Variants in ARHGAP10 observed in about 807,000 individuals in gnomAD.
ARHGAP10 encodes Rho GTPase activating protein 10.
In ARHGAP10, 87 loss-of-function variants were observed where a neutral mutation model predicts 108.6. The ratio of observed to expected loss-of-function variants is 0.80; its 90% CI spans 0.67 to 0.96. ARHGAP10 has a LOEUF of 0.96. Ranked by LOEUF, ARHGAP10 falls within the 40% of genes least tolerant of loss-of-function variation. The pLI, the probability that ARHGAP10 is intolerant of heterozygous loss-of-function variation, is 0.00. For synonymous variants in ARHGAP10, 347 were observed against 341.1 expected (o/e 1.02, Z -0.19); for missense variants, 939 against 954.5 (o/e 0.98, Z 0.21).
intron 7 of ARHGAP10, among the ~76,000 whole-genome samples, 186 bp from the exon 8 acceptor site, chr4:147,874,835 A>AT (rs201461109): frequency 1.1e-4 from 17 of 151,478 alleles, no homozygotes; most frequent in Admixed American, 3.3e-4. Context: ...TTTTACTGCT[A>AT]TTTTTTTTTC....
intron 18 of ARHGAP10, among the ~76,000 whole-genome samples, chr4:148,007,808 T>G (rs1168507210): frequency 2.6e-5 from 4 of 152,236 alleles, no homozygotes; most frequent in Non-Finnish European, 1.5e-5. Context: ...GATATGGTTT[T>G]GGAACTTAAA....
chr4:147,977,968 A>G (rs1458278726), intron 18 of ARHGAP10, among the ~76,000 whole-genome samples: 2 of 152,196 alleles, frequency 1.3e-5, no homozygotes, highest in African/African-American at 2.4e-5. Flanking sequence ...AGCTGCATCC[A>G]TGTTGCTGCA....
At chr4:147,752,207 A>G (rs1409231167) in intron 1 of ARHGAP10, among the ~76,000 whole-genome samples, 2 of 152,166 alleles carry the variant, frequency 1.3e-5, no homozygotes, top group African/African-American at 4.8e-5. Flanking sequence ...ATAGAAGAGC[A>G]TGCATTATTG....
At chr4:147,852,285 C>T (rs1379562439) in intron 4 of ARHGAP10, among the ~76,000 whole-genome samples, 1 of 152,162 alleles carries the variant, frequency 6.6e-6, no homozygotes, top group East Asian at 1.9e-4. Flanking sequence ...ACTGAGGAAC[C>T]GAGGTGGCAC....
chr4:147,834,902 T>G (rs1243375011), intron 3 of ARHGAP10, among the ~76,000 whole-genome samples: 1 of 151,950 alleles, frequency 6.6e-6, no homozygotes, highest in Non-Finnish European at 1.5e-5. Flanking sequence ...CCTAATAAAT[T>G]TCTTGTGTGT....
In ARHGAP10 at chr4:147,795,003, T is replaced by C. The variant is rs77606865; in HGVS notation, c.155-27724T>C. Among the ~76,000 whole-genome samples the C allele has an allele frequency of 3.3e-3, 506 of 152,344 alleles. 5 individuals carry two copies. The highest frequency in any genetic ancestry group is 0.012 in the African/African-American group (485 of 41,580). On this transcript the variant is annotated intron_variant, in intron 1 of 22. Coordinates refer to ENST00000336498, the MANE Select transcript of ARHGAP10 (RefSeq NM_024605.4). Reference sequence around the variant, plus strand: ...TTGCAGTTGACTATAGTCAGTTCCATATAGTGTGGCAGCTAGTGAAATATT... The same window carrying C: ...TTGCAGTTGACTATAGTCAGTTCCACATAGTGTGGCAGCTAGTGAAATATT...
chr4:148,025,124 G>A (rs996215792), intron 19 of ARHGAP10, among the ~76,000 whole-genome samples: 1 of 152,220 alleles, frequency 6.6e-6, no homozygotes, highest in African/African-American at 2.4e-5. Context: ...AGAAGTTTCT[G>A]TAGTGGTATT....
At chr4:148,031,101 G>T (rs897188802) in intron 19 of ARHGAP10, among the ~76,000 whole-genome samples, 1 of 152,076 alleles carries the variant, frequency 6.6e-6, no homozygotes, top group African/African-American at 2.4e-5. Flanking sequence ...CTGGCATTTT[G>T]GATCTACTAA....
At chr4:147,794,707 T>C (rs538960615) in intron 1 of ARHGAP10, among the ~76,000 whole-genome samples, 1 of 152,362 alleles carries the variant, frequency 6.6e-6, no homozygotes, top group East Asian at 1.9e-4. Flanking sequence ...TGCCATTGAG[T>C]ATTCCATTAT....
intron 4 of ARHGAP10, among the ~76,000 whole-genome samples, chr4:147,857,020 C>G (rs78282648): frequency 0.025 from 3,808 of 152,104 alleles, 150 homozygotes; most frequent in African/African-American, 0.083. Flanking sequence ...ACCCTGCTAA[C>G]TTTTGTATTT....
At chr4:147,896,657 T>A (rs1579172334) in intron 10 of ARHGAP10, among the ~76,000 whole-genome samples, 1 of 152,132 alleles carries the variant, frequency 6.6e-6, no homozygotes, top group Non-Finnish European at 1.5e-5. Context: ...TGAATTTATT[T>A]TTTTTCAACT....
chr4:147,939,066 A>G (rs1250976889), intron 13 of ARHGAP10, among the ~76,000 whole-genome samples: 11 of 152,130 alleles, frequency 7.2e-5, no homozygotes, highest in Admixed American at 6.5e-4. Flanking sequence ...ACAAATGGAG[A>G]TTTTCTTACC....
In ARHGAP10 at chr4:147,955,385, T is replaced by C. The variant is rs372802441; in HGVS notation, c.1450+11T>C. 28 of 1,606,806 alleles carry C rather than the reference T, an allele frequency of 1.7e-5. No individual in the cohort carries two copies. Among genetic ancestry groups the C allele is most frequent in the Middle Eastern group, 1.7e-4 (1 of 6,060 alleles). ...TCATTGTTCCAGCCAGTAAGTATTA[T>C]GTAAAGGTATATAGGAACAGTTTTG... On this transcript the variant is annotated intron_variant, in intron 16 of 22. Transcript: ENST00000336498.
At chr4:147,818,585 AG>A (rs1450588392) in intron 1 of ARHGAP10, among the ~76,000 whole-genome samples, 1 of 141,830 alleles carries the variant, frequency 7.1e-6, no homozygotes, top group African/African-American at 2.5e-5. Context: ...AAAAAAAAAA[AG>A]TTAGTTTGTT....
chr4:148,042,576 C>A (rs1728679069), intron 19 of ARHGAP10, among the ~76,000 whole-genome samples: 1 of 152,166 alleles, frequency 6.6e-6, no homozygotes, highest in Non-Finnish European at 1.5e-5. Context: ...TTGCTGCACT[C>A]CCACCTGTCT....
chr4:147,753,611 C>T lies in ARHGAP10; in HGVS notation c.154+21156C>T, dbSNP rs149418681. ...TCAGGTGATCTGCCTGCCTCAGCCT[C>T]CCAGAGTGCTGGGATTACAGGCGTG... On this transcript the variant is annotated intron_variant, in intron 1 of 22. Transcript: ENST00000336498. Among the ~76,000 whole-genome samples, 994 of 152,030 alleles carry T rather than the reference C, an allele frequency of 6.5e-3. 15 individuals are homozygous for T. The highest frequency in any genetic ancestry group is 0.023 in the African/African-American group (953 of 41,426).
intron 1 of ARHGAP10, among the ~76,000 whole-genome samples, chr4:147,767,932 A>AT (rs1729901131): frequency 6.6e-6 from 1 of 152,218 alleles, no homozygotes; most frequent in Non-Finnish European, 1.5e-5. Flanking sequence ...AAGATATGAG[A>AT]TTATCAAATT....
At chr4:147,947,354 G>T (rs1011139514) in intron 15 of ARHGAP10, among the ~76,000 whole-genome samples, 1 of 151,446 alleles carries the variant, frequency 6.6e-6, no homozygotes. Context: ...TATATGCTGT[G>T]GTTCTGTTGG....
At chr4:148,048,573 C>G (rs1728987250) in intron 20 of ARHGAP10, among the ~76,000 whole-genome samples, 1 of 152,174 alleles carries the variant, frequency 6.6e-6, no homozygotes, top group Admixed American at 6.5e-5. Context: ...ACAGTAGTTA[C>G]CTAGGCACGC....
Sources: allele counts gnomAD v4.1 joint callset (sites outside exome capture counted in the v4.1 genomes callset), GRCh38; gene constraint gnomAD v4.1.1; transcripts MANE v1.5; gene names NCBI Gene and HGNC (gene_info 2026-07-23, HGNC 2026-07-21).